DLG2: variants seen among roughly 807,000 people sequenced by gnomAD.
DLG2 encodes disks large homolog 2.
A neutral mutation model predicts 132.5 loss-of-function variants in DLG2; 45 were observed. The observed-to-expected ratio is 0.34, with a 90% confidence interval of 0.27 to 0.44. DLG2 has a LOEUF of 0.44. DLG2 is among the 20% of genes least tolerant of loss of function. The pLI is 1.00. For synonymous variants in DLG2, 424 were observed against 419.6 expected, an observed-to-expected ratio of 1.01 and a Z score of -0.13; for missense variants, 1,045 against 1,196.9, an observed-to-expected ratio of 0.87 and a Z score of 1.87.
intron 4 of DLG2, among the ~76,000 whole-genome samples, chr11:85,251,812 A>AT (rs1344239747): frequency 6.6e-6 from 1 of 152,156 alleles, no homozygotes; most frequent in Non-Finnish European, 1.5e-5. Flanking sequence ...TGATTTTGTG[A>AT]TATTTGCAGT....
chr11:84,227,621 T>C (rs925438844), intron 8 of DLG2, among the ~76,000 whole-genome samples: 3 of 152,160 alleles, frequency 2.0e-5, no homozygotes, highest in Non-Finnish European at 4.4e-5. Flanking sequence ...GAGTTGGTGC[T>C]TTAAAAAATA....
Position 83,830,338 on chromosome 11 carries a change from G to A in DLG2, c.1722+3276C>T, listed in dbSNP as rs572312252. Among the ~76,000 whole-genome samples, 9 of 152,176 alleles carry A rather than the reference G, an allele frequency of 5.9e-5. No individual in the cohort carries two copies. The South Asian group carries it at 1.2e-3, about 21-fold the overall frequency. On this transcript the variant is annotated intron_variant, in intron 17 of 27. Transcript: ENST00000376104. ...CTATTTTTGAAGCAGAAATACTTGCGAGTTTTCTTTGTCAAGCCATAGAGT... is the reference window on the plus strand; with the variant it reads ...CTATTTTTGAAGCAGAAATACTTGCAAGTTTTCTTTGTCAAGCCATAGAGT...
At chr11:84,164,387 C>T (rs2095615300) in intron 8 of DLG2, among the ~76,000 whole-genome samples, 1 of 152,280 alleles carries the variant, frequency 6.6e-6, no homozygotes, top group Admixed American at 6.5e-5. Flanking sequence ...CGTGTCTTGG[C>T]AACATCATTG....
intron 22 of DLG2, among the ~76,000 whole-genome samples, chr11:83,480,900 C>A (rs2093049367): frequency 6.6e-6 from 1 of 152,034 alleles, no homozygotes; most frequent in South Asian, 2.1e-4. Flanking sequence ...TCCCTGGAAT[C>A]CCTTGAATTT....
chr11:83,761,672 T>C (rs1023142408), intron 18 of DLG2, among the ~76,000 whole-genome samples: 1 of 152,158 alleles, frequency 6.6e-6, no homozygotes, highest in Admixed American at 6.5e-5. Flanking sequence ...TGAATGCAAA[T>C]GGCTACATAG....
chr11:85,104,397 G>A (rs2071351254), intron 6 of DLG2, among the ~76,000 whole-genome samples: 2 of 151,818 alleles, frequency 1.3e-5, no homozygotes, highest in Admixed American at 1.3e-4. Flanking sequence ...AGAAATAATG[G>A]ATGGTACAAC....
chr11:85,516,647 T>A (rs1051653504), intron 3 of DLG2, among the ~76,000 whole-genome samples: 1 of 152,008 alleles, frequency 6.6e-6, no homozygotes, highest in African/African-American at 2.4e-5. Context: ...TATGAACATC[T>A]CTACACTGAC....
chr11:83,747,481 C>T (rs1448457454), intron 18 of DLG2, among the ~76,000 whole-genome samples: 1 of 152,058 alleles, frequency 6.6e-6, no homozygotes, highest in Non-Finnish European at 1.5e-5. Context: ...CATCCTCCCA[C>T]CTCAGCCTTT....
chr11:84,123,937 C>G (rs755711062), intron 9 of DLG2, among the ~76,000 whole-genome samples: 4 of 152,148 alleles, frequency 2.6e-5, no homozygotes, highest in Admixed American at 6.5e-5. Context: ...TCACAAAGAA[C>G]TAAGCAAGAA....
intron 6 of DLG2, among the ~76,000 whole-genome samples, chr11:84,692,020 C>T (rs574596446): frequency 6.6e-6 from 1 of 151,822 alleles, no homozygotes; most frequent in Admixed American, 6.6e-5. Context: ...ACATTCAGTA[C>T]TTTTTATAGA....
chr11:85,126,130 C>A (rs1046652258), intron 5 of DLG2, among the ~76,000 whole-genome samples: 1 of 152,068 alleles, frequency 6.6e-6, no homozygotes, highest in East Asian at 1.9e-4. Flanking sequence ...CAAAGAACGG[C>A]GGGAAGCCAG....
At chr11:84,517,647 G>C (rs372024272) in intron 7 of DLG2, among the ~76,000 whole-genome samples, 1 of 151,822 alleles carries the variant, frequency 6.6e-6, no homozygotes, top group Non-Finnish European at 1.5e-5. Flanking sequence ...TCAACTATTG[G>C]GTATATAGCC....
chr11:83,984,645 T>C (rs1338886179), intron 11 of DLG2, among the ~76,000 whole-genome samples: 4 of 152,136 alleles, frequency 2.6e-5, no homozygotes, highest in African/African-American at 9.7e-5. Context: ...TATTACCTGC[T>C]GCTATCGAGC....
chr11:85,068,550 A>G (rs1158258965), intron 6 of DLG2, among the ~76,000 whole-genome samples: 1 of 152,154 alleles, frequency 6.6e-6, no homozygotes, highest in African/African-American at 2.4e-5. Flanking sequence ...TCCCATTCAC[A>G]ACTGCTTCAA....
intron 4 of DLG2, among the ~76,000 whole-genome samples, chr11:85,177,999 G>A (rs1050100624): frequency 6.6e-6 from 1 of 151,900 alleles, no homozygotes; most frequent in Non-Finnish European, 1.5e-5. Context: ...GACAAAGGTA[G>A]ACTGAGAAAT....
chr11:84,811,115 C>T (rs1347482095), intron 6 of DLG2, among the ~76,000 whole-genome samples: 2 of 152,110 alleles, frequency 1.3e-5, no homozygotes, highest in Admixed American at 1.3e-4. Flanking sequence ...CTGACAACTG[C>T]ATGTGAATGT....
intron 2 of DLG2, among the ~76,000 whole-genome samples, chr11:85,602,644 A>G (rs936384695): frequency 4.6e-5 from 7 of 152,090 alleles, no homozygotes; most frequent in African/African-American, 1.4e-4. Context: ...TATCCTTTCA[A>G]GTCATCAACT....
intron 21 of DLG2, among the ~76,000 whole-genome samples, chr11:83,495,895 C>A (rs538946269): frequency 6.6e-6 from 1 of 151,936 alleles, no homozygotes; most frequent in Non-Finnish European, 1.5e-5. Flanking sequence ...AGAAAACATA[C>A]AATATACTTA....
intron 3 of DLG2, among the ~76,000 whole-genome samples, chr11:85,536,866 C>T (rs1406075175): frequency 1.3e-5 from 2 of 152,226 alleles, no homozygotes; most frequent in Non-Finnish European, 2.9e-5. Context: ...GACGAGCTCC[C>T]TCTGGGCTGC....
Sources: allele counts gnomAD v4.1 joint callset (sites outside exome capture counted in the v4.1 genomes callset), GRCh38; gene constraint gnomAD v4.1.1; transcripts MANE v1.5; gene names NCBI Gene and HGNC (gene_info 2026-07-23, HGNC 2026-07-21).